The following MINDY4B variants were observed in gnomAD, a reference collection of about 807,000 sequenced individuals.
The protein encoded by MINDY4B is inactive ubiquitin carboxyl-terminal hydrolase MINDY-4B.
Under a neutral mutation model 16.7 loss-of-function variants are expected in MINDY4B, and 25 were observed. The ratio of observed to expected loss-of-function variants is 1.49; its 90% CI spans 1.09 to 2.09. The LOEUF (loss-of-function observed/expected upper bound fraction) is 2.09, where lower values mean the gene tolerates loss of function less well. Ranked by LOEUF, MINDY4B falls within the 30% of genes most tolerant of loss-of-function variation. The pLI is 0.00. For synonymous variants in MINDY4B, 132 were observed against 61.9 expected (o/e 2.13, Z -5.32); for missense variants, 327 against 168.4 (o/e 1.94, Z -5.21).
chr3:150,900,875 G>T (rs145333346), intron 3 of MINDY4B, among the ~76,000 whole-genome samples: 7 of 152,168 alleles, frequency 4.6e-5, no homozygotes, highest in African/African-American at 1.4e-4. Context: ...GCAAATGTCT[G>T]TGAATGCTTT....
intron 10 of MINDY4B, among the ~76,000 whole-genome samples, chr3:150,882,379 G>T (rs1410539958): frequency 1.3e-5 from 2 of 151,972 alleles, no homozygotes; most frequent in Non-Finnish European, 2.9e-5. Context: ...AGTTTCAAAC[G>T]TAGGGGCCCC....
chr3:150,886,029 G>A (rs1711614453), intron 7 of MINDY4B, among the ~76,000 whole-genome samples: 1 of 152,166 alleles, frequency 6.6e-6, no homozygotes, highest in Admixed American at 6.5e-5. Flanking sequence ...GAATATGCTA[G>A]ATCCACAGCA....
chr3:150,905,163 C>A (rs1712210416), intron 1 of MINDY4B, 74 bp from the exon 2 acceptor site: 1 of 398,316 alleles, frequency 2.5e-6, no homozygotes, highest in Non-Finnish European at 4.4e-6. Flanking sequence ...CCTCCCAAAC[C>A]CCAACCTTGC....
In MINDY4B at chr3:150,883,786, G is replaced by T. The variant is rs762298441; in HGVS notation, c.825-14C>A. Reference sequence around the variant, plus strand: ...TCCATTTGAAGCCTGCAGAGTGGGAGAAGCCATCAGCATCCAGTCAGAGAC... The same window carrying T: ...TCCATTTGAAGCCTGCAGAGTGGGATAAGCCATCAGCATCCAGTCAGAGAC... On this transcript the variant is annotated splice_polypyrimidine_tract_variant and intron_variant, in intron 8 of 11. Coordinates refer to ENST00000465419, the MANE Select transcript of MINDY4B (RefSeq NM_001351281.2). The T allele has an allele frequency of 1.3e-5, 9 of 702,534 alleles. No individual in the cohort carries two copies. The South Asian group carries it at 1.3e-4, about 10-fold the overall frequency. 43.5% of individuals were successfully genotyped at this position (702,534 alleles called of 1,614,324 possible).
intron 10 of MINDY4B, among the ~76,000 whole-genome samples, chr3:150,881,340 C>T (rs1254920299): frequency 6.6e-6 from 1 of 151,806 alleles, no homozygotes; most frequent in Non-Finnish European, 1.5e-5. Context: ...GCTGAGATGG[C>T]ACCACTGCAC....
rs550027001 is a variant in MINDY4B at position 150,901,251 on chromosome 3, C to A, written c.309+1998G>T. 7.9e-5 allele frequency: 12 copies of A among 152,298 alleles called. No homozygotes were observed. The East Asian group carries it at 2.3e-3, about 29-fold the overall frequency. The allele number at this position is 152,298 out of a possible 1,614,324, so 9.4% of individuals were successfully genotyped here. On this transcript the variant is annotated intron_variant, in intron 3 of 11. Coordinates refer to ENST00000465419, the MANE Select transcript of MINDY4B (RefSeq NM_001351281.2). ...TAGTTGCTCTAACTTCTGGTCTATA[C>A]CACAGTGTAGGCAGCAGAATCACTG...
At position 150,902,150 on chromosome 3, in the gene MINDY4B, C is replaced by T. The variant is rs192762520; in HGVS notation, c.309+1099G>A. Among the ~76,000 whole-genome samples, 714 of 152,284 alleles carry T rather than the reference C, an allele frequency of 4.7e-3. 5 individuals carry two copies. Among genetic ancestry groups the T allele is most frequent in the African/African-American group, 0.016 (670 of 41,548 alleles). ...ATCCTCTCAGCTGGGATCTTGTGTG[C>T]AGTGCACAAACTGTGCAACTCGATG... On this transcript the variant is annotated intron_variant, in intron 3 of 11. Transcript: ENST00000465419.
chr3:150,888,131 C>G (rs1334844639), intron 7 of MINDY4B, among the ~76,000 whole-genome samples: 1 of 151,994 alleles, frequency 6.6e-6, no homozygotes, highest in East Asian at 1.9e-4. Context: ...TAGGGCCATG[C>G]TCTCTCTGAA....
chr3:150,900,621 A>G (rs1712091820), intron 3 of MINDY4B, among the ~76,000 whole-genome samples: 1 of 152,226 alleles, frequency 6.6e-6, no homozygotes, highest in Non-Finnish European at 1.5e-5. Context: ...TATAATGGGA[A>G]TAAATCCAAA....
chr3:150,893,255 T>G, intron 5 of MINDY4B, 69 bp downstream of exon 5: 1 of 697,150 alleles, frequency 1.4e-6, no homozygotes, highest in Non-Finnish European at 2.6e-6. Flanking sequence ...AATTTTTCAG[T>G]TATGATTATT....
chr3:150,872,184 A>T (rs1576608327), intron 11 of MINDY4B, among the ~76,000 whole-genome samples: 2 of 152,258 alleles, frequency 1.3e-5, no homozygotes, highest in Admixed American at 6.5e-5. Flanking sequence ...TTGTGAGCTA[A>T]TGAAAAATGT....
chr3:150,873,231 T>C lies in MINDY4B; in HGVS notation c.1196A>G (p.Tyr399Cys). Residue 399 changes from tyrosine to cysteine, a missense_variant, in exon 11 of 12, where the codon TAC becomes TGC. Tyr to Cys is a radical substitution (Grantham distance 194, BLOSUM62 -2). Coordinates refer to ENST00000465419, the MANE Select transcript of MINDY4B (RefSeq NM_001351281.2). ...KMERLFDLYF[Y>C]SGQPSQKKLV... ...CTTTTTCTGTGAGGGTTGGCCACTG[T>C]AAAAGTACAGATCAAAGAGACGTTC... 1 of 703,292 alleles carries C rather than the reference T, an allele frequency of 1.4e-6. No homozygotes were observed. Among genetic ancestry groups the C allele is most frequent in the Non-Finnish European group, 2.6e-6 (1 of 384,934 alleles). The allele number at this position is 703,292 out of a possible 1,614,324, so 43.6% of individuals were successfully genotyped here. A position where few individuals can be genotyped will look rare whatever the true frequency, so the allele number is the denominator to read the frequency against.
chr3:150,900,271 C>T lies in MINDY4B; in HGVS notation c.309+2978G>A, dbSNP rs146880316. 2.7e-3 allele frequency among the ~76,000 whole-genome samples: 417 copies of T among 152,276 alleles called. 4 individuals carry two copies. The highest frequency in any genetic ancestry group is 9.2e-3 in the African/African-American group (382 of 41,562). On this transcript the variant is annotated intron_variant, in intron 3 of 11. Transcript: ENST00000465419. ...AGGAGAGCTAAGGAAAGCAAAGGTG[C>T]GTAGGGTGCTTTACCCAACCTCCAC...
intron 10 of MINDY4B, among the ~76,000 whole-genome samples, chr3:150,874,005 A>ACT (rs1717031030): frequency 1.2e-5 from 1 of 81,990 alleles, no homozygotes; most frequent in African/African-American, 4.7e-5. Context: ...TTTAGCCTTG[A>ACT]TTTTTTTTTT....
chr3:150,875,205 G>A (rs1343312919), intron 10 of MINDY4B, among the ~76,000 whole-genome samples: 1 of 152,164 alleles, frequency 6.6e-6, no homozygotes, highest in Admixed American at 6.5e-5. Flanking sequence ...CAATTTCCAA[G>A]TAACTTTGTA....
intron 3 of MINDY4B, among the ~76,000 whole-genome samples, chr3:150,895,460 C>CT (rs1341036374): frequency 5.3e-5 from 8 of 151,776 alleles, no homozygotes; most frequent in Non-Finnish European, 5.9e-5. Flanking sequence ...TCTCACAGCT[C>CT]TTTTTTTTGT....
chr3:150,902,558 T>C (rs528055785), intron 3 of MINDY4B, among the ~76,000 whole-genome samples: 1 of 152,330 alleles, frequency 6.6e-6, no homozygotes, highest in East Asian at 1.9e-4. Flanking sequence ...CAGCTGGTCC[T>C]TTGGACATTT....
chr3:150,889,580 T>C lies in MINDY4B; in HGVS notation c.753+740A>G, dbSNP rs1026865748. 6.0e-5 allele frequency among the ~76,000 whole-genome samples: 9 copies of C among 150,846 alleles called. No homozygotes were observed. In the East Asian group the frequency reaches 1.8e-3, roughly 29 times the overall value. ...AGAGTTTGGACTTCTTTAGGGGGACTAGTCCTCTGCCTATCACACAAGTTA... is the reference window on the plus strand; with the variant it reads ...AGAGTTTGGACTTCTTTAGGGGGACCAGTCCTCTGCCTATCACACAAGTTA... On this transcript the variant is annotated intron_variant, in intron 7 of 11. Coordinates refer to ENST00000465419, the MANE Select transcript of MINDY4B (RefSeq NM_001351281.2).
At chr3:150,890,202 C>T (rs1490128594) in intron 7 of MINDY4B, 118 bp downstream of exon 7, 1 of 412,296 alleles carries the variant, frequency 2.4e-6, no homozygotes, top group Non-Finnish European at 4.3e-6. Context: ...CCTTTCTTAG[C>T]CCTCAAAATG....
Sources: gnomAD v4.1 joint callset for allele counts (sites outside exome capture counted in the v4.1 genomes callset) on GRCh38, gnomAD v4.1.1 for gene constraint, MANE v1.5 for transcripts, NCBI Gene and HGNC (gene_info 2026-07-23, HGNC 2026-07-21) for gene names.